The following VPS13B variants were observed in gnomAD, a reference collection of about 807,000 sequenced individuals.
The protein encoded by VPS13B is intermembrane lipid transfer protein VPS13B.
VPS13B carries 285 observed loss-of-function variants against 426.4 expected under a neutral mutation model. That is an observed-to-expected ratio of 0.67 (90% CI 0.61 to 0.74). The LOEUF is 0.74. VPS13B is among the 30% of genes least tolerant of loss of function. The pLI, the probability that VPS13B is intolerant of heterozygous loss-of-function variation, is 0.00. For missense variants in VPS13B, 4,537 were observed against 4,782.6 expected (o/e 0.95, Z 1.51); for synonymous variants, 1,676 against 1,676.4 (o/e 1.00, Z 0.01).
In VPS13B at chr8:99,014,110, CTTTTTTTTTT is replaced by C. The variant is rs1211028912; in HGVS notation, c.147+191_147+200del. On this transcript the variant is annotated intron_variant, in intron 2 of 61. Transcript: ENST00000357162. ...TACACTATTTTCTTTTTCTTTCTTT[CTTTTTTTTTT>C]TTTTTTTTTTTTTTTGAGATGGAGT... Among the ~76,000 whole-genome samples, 1,368 of 72,400 alleles carry C rather than the reference CTTTTTTTTTT, an allele frequency of 0.019. 123 individuals carry two copies. In the Admixed American group the frequency reaches 0.21, roughly 11 times the overall value. The allele number at this position is 72,400 out of a possible 152,430, so 47.5% of individuals were successfully genotyped here. A position where few individuals can be genotyped will look rare whatever the true frequency, so the allele number is the denominator to read the frequency against.
intron 19 of VPS13B, among the ~76,000 whole-genome samples, chr8:99,298,563 T>C (rs919163023): frequency 6.6e-6 from 1 of 152,144 alleles, no homozygotes; most frequent in Non-Finnish European, 1.5e-5. Flanking sequence ...AAAGATTATC[T>C]TGGAGATCGT....
At chr8:99,590,218 T>C (rs764467476) in intron 33 of VPS13B, among the ~76,000 whole-genome samples, 1 of 152,148 alleles carries the variant, frequency 6.6e-6, no homozygotes, top group Admixed American at 6.5e-5. Flanking sequence ...ATCTATTTGA[T>C]TCTTCTCTCT....
intron 25 of VPS13B, among the ~76,000 whole-genome samples, chr8:99,496,433 C>T (rs1820887572): frequency 6.6e-6 from 1 of 152,178 alleles, no homozygotes; most frequent in South Asian, 2.1e-4. Context: ...GGGTAGATCA[C>T]GAGGTCAGGA....
intron 3 of VPS13B, among the ~76,000 whole-genome samples, chr8:99,060,157 T>G (rs1185218905): frequency 6.6e-6 from 1 of 152,134 alleles, no homozygotes; most frequent in Non-Finnish European, 1.5e-5. Flanking sequence ...TAGGTAAATT[T>G]TTTTCAAATT....
intron 22 of VPS13B, among the ~76,000 whole-genome samples, chr8:99,438,552 T>G (rs991375256): frequency 1.3e-5 from 2 of 152,182 alleles, no homozygotes; most frequent in Admixed American, 6.5e-5. Flanking sequence ...ATCTAGGAAT[T>G]TTTAATGTCT....
chr8:99,728,603 A>G (rs1712311837), intron 39 of VPS13B, among the ~76,000 whole-genome samples: 1 of 152,140 alleles, frequency 6.6e-6, no homozygotes, highest in South Asian at 2.1e-4. Flanking sequence ...TAGTCTGTTA[A>G]TGTCGTAATA....
intron 31 of VPS13B, among the ~76,000 whole-genome samples, chr8:99,570,791 T>G (rs1825434731): frequency 6.6e-6 from 1 of 152,118 alleles, no homozygotes; most frequent in African/African-American, 2.4e-5. Context: ...TTTTTGTCAT[T>G]GAGGACATGT....
intron 30 of VPS13B, among the ~76,000 whole-genome samples, chr8:99,533,527 A>T (rs1823040940): frequency 6.6e-6 from 1 of 152,192 alleles, no homozygotes; most frequent in Non-Finnish European, 1.5e-5. Flanking sequence ...GACCAATGAA[A>T]TTCATGATTG....
At chr8:99,054,144 C>T (rs1363958484) in intron 3 of VPS13B, among the ~76,000 whole-genome samples, 2 of 152,204 alleles carry the variant, frequency 1.3e-5, no homozygotes, top group African/African-American at 4.8e-5. Flanking sequence ...CATGGGTGTG[C>T]AAATCTCTCT....
chr8:99,665,435 G>T (rs940990978), intron 35 of VPS13B, among the ~76,000 whole-genome samples: 2 of 151,982 alleles, frequency 1.3e-5, no homozygotes, highest in Non-Finnish European at 2.9e-5. Flanking sequence ...TTTCTTCTAG[G>T]GTTTTTATGG....
chr8:99,029,139 A>T (rs1390529677), intron 2 of VPS13B, among the ~76,000 whole-genome samples: 1 of 124,740 alleles, frequency 8.0e-6, no homozygotes, highest in African/African-American at 3.1e-5. Flanking sequence ...CATCCCAGAC[A>T]GGGCGGCGGG....
intron 3 of VPS13B, among the ~76,000 whole-genome samples, chr8:99,078,045 A>C (rs57234727): frequency 0.024 from 3,670 of 151,814 alleles, 139 homozygotes; most frequent in African/African-American, 0.082. Flanking sequence ...TTTTTTAATG[A>C]CATCTATCTC....
At chr8:99,349,546 T>G (rs550545719) in intron 19 of VPS13B, among the ~76,000 whole-genome samples, 3 of 152,208 alleles carry the variant, frequency 2.0e-5, no homozygotes, top group Admixed American at 1.3e-4. Flanking sequence ...TGGTTAAATT[T>G]GAGTTTTAGA....
In VPS13B at chr8:99,577,474, A is replaced by AC; in HGVS notation, c.5077-14dup. On this transcript the variant is annotated splice_polypyrimidine_tract_variant and intron_variant, in intron 32 of 61. Coordinates refer to ENST00000357162, the MANE Select transcript of VPS13B (RefSeq NM_152564.5). ...TATCATGTTTCTTTATCTGTATTCT[A>AC]CCGTTTTTGCTTCAGGAGATTTTAG... The AC allele has an allele frequency of 3.7e-6, 6 of 1,613,544 alleles. No homozygotes were observed. Among genetic ancestry groups the AC allele is most frequent in the Non-Finnish European group, 5.1e-6 (6 of 1,179,532 alleles).
intron 28 of VPS13B, 44 bp from the exon 29 acceptor site, chr8:99,511,060 C>A (rs1821766099): frequency 1.9e-6 from 3 of 1,601,488 alleles, no homozygotes; most frequent in South Asian, 2.2e-5. Context: ...TAAAAAAAAT[C>A]TTTTTAATGA....
chr8:99,219,461 G>A (rs7815414), intron 17 of VPS13B, among the ~76,000 whole-genome samples: 125,714 of 152,216 alleles, frequency 0.83, 52,437 homozygotes, highest in South Asian at 0.89. Flanking sequence ...GATGTGTCTT[G>A]CTATGTTTTG....
chr8:99,830,980 C>T (rs1000353644), intron 51 of VPS13B, among the ~76,000 whole-genome samples: 19 of 151,960 alleles, frequency 1.3e-4, no homozygotes, highest in African/African-American at 4.4e-4. Flanking sequence ...CAGTTGGAAA[C>T]GCAGAAACCA....
At chr8:99,687,153 A>G (rs1831448126) in intron 35 of VPS13B, among the ~76,000 whole-genome samples, 1 of 151,942 alleles carries the variant, frequency 6.6e-6, no homozygotes, top group Admixed American at 6.5e-5. Flanking sequence ...TACAAATGTC[A>G]TTTGGGAGCT....
chr8:99,030,420 G>C lies in VPS13B; in HGVS notation c.148-8003G>C, dbSNP rs551309404. ...CTGCTTCCCAAAGATGTGAATGTTTGGTTAACTGGTATGTCTAAATTGTCC... is the reference window on the plus strand; with the variant it reads ...CTGCTTCCCAAAGATGTGAATGTTTCGTTAACTGGTATGTCTAAATTGTCC... On this transcript the variant is annotated intron_variant, in intron 2 of 61. Coordinates refer to ENST00000357162, the MANE Select transcript of VPS13B (RefSeq NM_152564.5). 4.6e-5 allele frequency among the ~76,000 whole-genome samples: 7 copies of C among 151,278 alleles called. No individual in the cohort carries two copies. In the South Asian group the frequency reaches 1.5e-3, roughly 32 times the overall value.
Sources: gnomAD v4.1 joint callset for allele counts (sites outside exome capture counted in the v4.1 genomes callset) on GRCh38, gnomAD v4.1.1 for gene constraint, MANE v1.5 for transcripts, NCBI Gene and HGNC (gene_info 2026-07-23, HGNC 2026-07-21) for gene names.